Variants in CALCRL observed in about 807,000 individuals in gnomAD.
CALCRL encodes the protein calcitonin receptor like receptor, also known as calcitonin gene-related peptide type 1 receptor.
A neutral mutation model predicts 60.4 loss-of-function variants in CALCRL; 27 were observed. That is an observed-to-expected ratio of 0.45 (90% CI 0.33 to 0.62). CALCRL has a LOEUF of 0.62. Among genes scored for constraint, CALCRL ranks in the 20% least tolerant of loss-of-function variants. The probability of loss-of-function intolerance (pLI) is 0.03; values close to 1 mark genes in which losing one functional copy is unlikely to be tolerated. For synonymous variants in CALCRL, 190 were observed against 182.6 expected, an observed-to-expected ratio of 1.04 and a Z score of -0.33; for missense variants, 424 against 540.7, an observed-to-expected ratio of 0.78 and a Z score of 2.14.
chr2:187,389,297 T>G (rs1688338554), intron 1 of CALCRL, among the ~76,000 whole-genome samples: 1 of 152,072 alleles, frequency 6.6e-6, no homozygotes, highest in Admixed American at 6.6e-5. Flanking sequence ...GGTCGCAAAC[T>G]CCTGAGCTCA....
chr2:187,387,956 T>A (rs192695128), intron 1 of CALCRL, among the ~76,000 whole-genome samples, 200 bp from the exon 2 acceptor site: 1 of 152,226 alleles, frequency 6.6e-6, no homozygotes, highest in African/African-American at 2.4e-5. Flanking sequence ...GATGTTTCAA[T>A]ATGAATTATA....
intron 1 of CALCRL, among the ~76,000 whole-genome samples, chr2:187,388,690 A>G (rs1688305083): frequency 1.3e-5 from 2 of 152,126 alleles, no homozygotes; most frequent in South Asian, 2.1e-4. Context: ...TATAGATTCT[A>G]TATACAAAAT....
chr2:187,355,407 A>C (rs1482665408), intron 12 of CALCRL, among the ~76,000 whole-genome samples: 1 of 152,080 alleles, frequency 6.6e-6, no homozygotes, highest in Non-Finnish European at 1.5e-5. Context: ...TTTTCACTAT[A>C]ATCTACATTA....
At position 187,343,177 on chromosome 2, in the gene CALCRL, C is replaced by A. The variant is rs1446933973; in HGVS notation, c.*3007G>T. On this transcript the variant is annotated 3_prime_UTR_variant, in exon 15 of 15. Coordinates refer to ENST00000392370, the MANE Select transcript of CALCRL (RefSeq NM_005795.6). ...GGTTTACTGAAGACTTTAAAGAGGG[C>A]AAAAGATATATTTTGTTAAGAGATT... The A allele has an allele frequency of 6.6e-6, 1 of 151,160 alleles. No individual in the cohort carries two copies. Among genetic ancestry groups the A allele is most frequent in the Non-Finnish European group, 1.5e-5 (1 of 67,466 alleles). 9.4% of individuals were successfully genotyped at this position (151,160 alleles called of 1,614,324 possible).
chr2:187,429,265 C>A (rs538276551), intron 1 of CALCRL, among the ~76,000 whole-genome samples: 1 of 151,820 alleles, frequency 6.6e-6, no homozygotes, highest in African/African-American at 2.4e-5. Context: ...AAAAAAAAAC[C>A]CTTGTAGTTA....
intron 1 of CALCRL, among the ~76,000 whole-genome samples, chr2:187,424,582 A>G (rs1488366609): frequency 6.6e-6 from 1 of 152,060 alleles, no homozygotes; most frequent in East Asian, 1.9e-4. Context: ...CAACAAGTCA[A>G]AAGGCATCTG....
chr2:187,439,476 TAAACA>T (rs893453673), intron 1 of CALCRL, among the ~76,000 whole-genome samples: 2 of 151,296 alleles, frequency 1.3e-5, no homozygotes, highest in Non-Finnish European at 2.9e-5. Flanking sequence ...AACTAAATAC[TAAACA>T]AAACAAAACA....
chr2:187,399,571 G>A (rs1688798644), intron 1 of CALCRL, among the ~76,000 whole-genome samples: 1 of 151,260 alleles, frequency 6.6e-6, no homozygotes, highest in Non-Finnish European at 1.5e-5. Flanking sequence ...ACACAGAATG[G>A]GAGAAAAAAA....
At chr2:187,398,202 A>G (rs897352652) in intron 1 of CALCRL, among the ~76,000 whole-genome samples, 1 of 151,710 alleles carries the variant, frequency 6.6e-6, no homozygotes, top group African/African-American at 2.4e-5. Flanking sequence ...AATTGCTCAA[A>G]GAGCACTGAA....
chr2:187,411,978 C>T (rs1196585189), intron 1 of CALCRL, among the ~76,000 whole-genome samples: 1 of 61,490 alleles, frequency 1.6e-5, no homozygotes, highest in African/African-American at 5.9e-5. Flanking sequence ...GACTCTGTCT[C>T]AAAAAAAAAA....
intron 1 of CALCRL, among the ~76,000 whole-genome samples, chr2:187,408,066 C>A (rs1689209342): frequency 6.6e-6 from 1 of 151,954 alleles, no homozygotes; most frequent in Non-Finnish European, 1.5e-5. Flanking sequence ...AGACTAGATT[C>A]TCAAGGTCCT....
chr2:187,393,857 A>C (rs1688551999), intron 1 of CALCRL, among the ~76,000 whole-genome samples: 1 of 151,992 alleles, frequency 6.6e-6, no homozygotes, highest in Non-Finnish European at 1.5e-5. Flanking sequence ...TTCCCAGGTG[A>C]TTTTAATATA....
intron 9 of CALCRL, 35 bp from the exon 10 acceptor site, chr2:187,360,786 T>C (rs756380491): frequency 6.3e-7 from 1 of 1,575,472 alleles, no homozygotes; most frequent in Non-Finnish European, 8.6e-7. Context: ...TATTTACTTG[T>C]TTATGAATTC....
chr2:187,412,670 C>G (rs1159050376), intron 1 of CALCRL, among the ~76,000 whole-genome samples: 1 of 152,088 alleles, frequency 6.6e-6, no homozygotes, highest in African/African-American at 2.4e-5. Flanking sequence ...TATTTTAAAA[C>G]TTTTTAAAAA....
At chr2:187,388,447 A>G (rs1435588313) in intron 1 of CALCRL, among the ~76,000 whole-genome samples, 3 of 152,084 alleles carry the variant, frequency 2.0e-5, no homozygotes, top group Non-Finnish European at 4.4e-5. Flanking sequence ...ACAGTTCATT[A>G]TTAGACAATA....
chr2:187,397,462 A>G (rs944906428), intron 1 of CALCRL, among the ~76,000 whole-genome samples: 2 of 151,676 alleles, frequency 1.3e-5, no homozygotes, highest in East Asian at 1.9e-4. Flanking sequence ...ATTGTAATCA[A>G]ATATGGACTT....
At chr2:187,401,036 T>C (rs1688866578) in intron 1 of CALCRL, among the ~76,000 whole-genome samples, 1 of 151,582 alleles carries the variant, frequency 6.6e-6, no homozygotes, top group South Asian at 2.1e-4. Flanking sequence ...AGAGGGTATA[T>C]GTGCAGGCTT....
intron 1 of CALCRL, among the ~76,000 whole-genome samples, chr2:187,441,026 C>T (rs1048763024): frequency 6.6e-6 from 1 of 151,944 alleles, no homozygotes; most frequent in Non-Finnish European, 1.5e-5. Flanking sequence ...TTCATCAAAG[C>T]TTTATTCTTA....
At chr2:187,391,324 T>C (rs1176982870) in intron 1 of CALCRL, among the ~76,000 whole-genome samples, 2 of 152,200 alleles carry the variant, frequency 1.3e-5, no homozygotes, top group African/African-American at 4.8e-5. Context: ...TTTAATCTCT[T>C]TCAGATCTTG....
Sources: gnomAD v4.1 joint callset for allele counts (sites outside exome capture counted in the v4.1 genomes callset) on GRCh38, gnomAD v4.1.1 for gene constraint, MANE v1.5 for transcripts, NCBI Gene and HGNC (gene_info 2026-07-23, HGNC 2026-07-21) for gene names.